The following WWOX variants were observed in gnomAD, a reference collection of about 807,000 sequenced individuals.
WWOX encodes the protein WW domain-containing oxidoreductase.
A neutral mutation model predicts 46.2 loss-of-function variants in WWOX; 69 were observed. The observed-to-expected ratio is 1.49, with a 90% confidence interval of 1.23 to 1.82. WWOX has a LOEUF of 1.82. Among genes scored for constraint, WWOX ranks in the 40% most tolerant of loss-of-function variants. The pLI is 0.00. For synonymous variants in WWOX, 359 were observed against 202.6 expected (o/e 1.77, Z -6.56); for missense variants, 919 against 542.6 (o/e 1.69, Z -6.89).
chr16:78,887,067 G>A (rs1423603867), intron 8 of WWOX, among the ~76,000 whole-genome samples: 2 of 42,386 alleles, frequency 4.7e-5, no homozygotes, highest in Non-Finnish European at 1.4e-4. Flanking sequence ...GGCTATATGT[G>A]TGTGTGTGTG....
At chr16:79,127,145 G>A (rs894852312) in intron 8 of WWOX, among the ~76,000 whole-genome samples, 1 of 151,822 alleles carries the variant, frequency 6.6e-6, no homozygotes, top group Non-Finnish European at 1.5e-5. Context: ...AGGTGTATAT[G>A]TATATATATT....
At chr16:78,659,260 A>T (rs1037267901) in intron 8 of WWOX, among the ~76,000 whole-genome samples, 14 of 152,140 alleles carry the variant, frequency 9.2e-5, no homozygotes, top group African/African-American at 3.4e-4. Flanking sequence ...TGACTCACAG[A>T]GATAACCGTG....
chr16:78,985,465 GC>G (rs1382460358), intron 8 of WWOX, among the ~76,000 whole-genome samples: 2 of 152,140 alleles, frequency 1.3e-5, no homozygotes, highest in African/African-American at 2.4e-5. Flanking sequence ...AGTGGAAGTC[GC>G]CTGCACTACA....
intron 8 of WWOX, among the ~76,000 whole-genome samples, chr16:78,757,646 T>A (rs1390246774): frequency 6.6e-6 from 1 of 152,016 alleles, no homozygotes; most frequent in Non-Finnish European, 1.5e-5. Flanking sequence ...GAATACATTT[T>A]ATTTATTTAT....
At chr16:78,361,071 C>T (rs2081400148) in intron 5 of WWOX, among the ~76,000 whole-genome samples, 1 of 152,148 alleles carries the variant, frequency 6.6e-6, no homozygotes, top group Non-Finnish European at 1.5e-5. Flanking sequence ...AATCTGCTTA[C>T]CTCGGCTTCC....
At chr16:78,847,284 C>G (rs944653837) in intron 8 of WWOX, among the ~76,000 whole-genome samples, 1 of 152,084 alleles carries the variant, frequency 6.6e-6, no homozygotes, top group Middle Eastern at 3.4e-3. Flanking sequence ...TTATACAAAC[C>G]CATGCACATA....
At chr16:78,771,229 C>T (rs1567548851) in intron 8 of WWOX, among the ~76,000 whole-genome samples, 1 of 152,310 alleles carries the variant, frequency 6.6e-6, no homozygotes, top group South Asian at 2.1e-4. Flanking sequence ...AAAGATCGCT[C>T]TGGCTGCTGT....
chr16:78,897,227 G>A (rs1422010808), intron 8 of WWOX: 3 of 109,202 alleles, frequency 2.7e-5, no homozygotes, highest in African/African-American at 3.6e-5. Flanking sequence ...CTGGGTGACA[G>A]TGAGACTGTC....
At chr16:78,438,476 A>G (rs922870752) in intron 8 of WWOX, among the ~76,000 whole-genome samples, 1 of 151,470 alleles carries the variant, frequency 6.6e-6, no homozygotes, top group African/African-American at 2.4e-5. Context: ...TTTTCCACAT[A>G]AGCTTTCATT....
At chr16:79,207,011 C>T (rs925760721) in intron 8 of WWOX, among the ~76,000 whole-genome samples, 1 of 152,146 alleles carries the variant, frequency 6.6e-6, no homozygotes, top group Non-Finnish European at 1.5e-5. Context: ...ATCCCAAGCA[C>T]CGAGGTATCT....
chr16:78,500,012 G>T (rs2151473859), intron 8 of WWOX, among the ~76,000 whole-genome samples: 1 of 152,310 alleles, frequency 6.6e-6, no homozygotes, highest in Non-Finnish European at 1.5e-5. Context: ...GGATGGAGAA[G>T]AAGTGGGTCA....
intron 8 of WWOX, among the ~76,000 whole-genome samples, chr16:78,629,854 A>G (rs972380652): frequency 6.6e-6 from 1 of 150,854 alleles, no homozygotes; most frequent in Non-Finnish European, 1.5e-5. Flanking sequence ...GAAATAGAAA[A>G]TTAATTGAGT....
chr16:79,044,587 G>T (rs2048032153), intron 8 of WWOX, among the ~76,000 whole-genome samples: 1 of 152,196 alleles, frequency 6.6e-6, no homozygotes, highest in African/African-American at 2.4e-5. Flanking sequence ...CCAGAAGCCA[G>T]GCAGCTGCCA....
At chr16:78,292,063 CTTTT>C (rs5818123) in intron 5 of WWOX, among the ~76,000 whole-genome samples, 1 of 136,954 alleles carries the variant, frequency 7.3e-6, no homozygotes, top group Non-Finnish European at 1.6e-5. Context: ...TGATTTTTAC[CTTTT>C]TTTTTTTTTT....
intron 8 of WWOX, among the ~76,000 whole-genome samples, chr16:78,453,788 G>C (rs2035563927): frequency 6.6e-6 from 1 of 152,062 alleles, no homozygotes; most frequent in Admixed American, 6.6e-5. Context: ...ACAGTGCGAA[G>C]ATAGTTAAGC....
rs776751003 is a variant in WWOX at position 78,109,785 on chromosome 16, A to G, written c.180A>G (p.Pro60=). 1.2e-6 allele frequency: 2 copies of G among 1,614,152 alleles called. No homozygotes were observed. The highest frequency in any genetic ancestry group is 1.7e-5 in the Admixed American group (1 of 60,030). The change falls in exon 3 of 9, where the codon CCA becomes CCG. Residue 60 remains proline (P), a synonymous_variant. Transcript: ENST00000566780. ...GKRKRVAGDL[P]YGWEQETDEN... is the part of the protein sequence containing the mutation. The stretch of plus-strand genomic sequence containing the variant: ...GTCTTTCTTGTGTTTCAGATTTGCC[A>G]TACGGATGGGAACAAGAAACTGATG...
intron 8 of WWOX, among the ~76,000 whole-genome samples, chr16:79,048,754 G>C (rs1490654807): frequency 6.6e-6 from 1 of 152,190 alleles, no homozygotes; most frequent in Non-Finnish European, 1.5e-5. Context: ...CACTCCGGCT[G>C]CTGCCAGTGG....
intron 8 of WWOX, chr16:78,897,381 T>C (rs571822291): frequency 6.6e-6 from 1 of 152,296 alleles, no homozygotes; most frequent in East Asian, 1.9e-4. Context: ...ATTGTAACTT[T>C]GTTTTACCTG....
intron 8 of WWOX, among the ~76,000 whole-genome samples, chr16:78,492,277 G>T (rs1649589790): frequency 6.6e-6 from 1 of 152,162 alleles, no homozygotes; most frequent in South Asian, 2.1e-4. Context: ...TTCCGAAGGC[G>T]GGTGTGTATG....
Sources: gnomAD v4.1 joint callset for allele counts (sites outside exome capture counted in the v4.1 genomes callset) on GRCh38, gnomAD v4.1.1 for gene constraint, MANE v1.5 for transcripts, NCBI Gene and HGNC (gene_info 2026-07-23, HGNC 2026-07-21) for gene names.